PTPN21: variants seen among roughly 807,000 people sequenced by gnomAD.
PTPN21 encodes the protein protein tyrosine phosphatase non-receptor type 21, also known as tyrosine-protein phosphatase non-receptor type 21.
A neutral mutation model predicts 131.8 loss-of-function variants in PTPN21; 77 were observed. That is an observed-to-expected ratio of 0.58 (90% CI 0.49 to 0.71). The LOEUF (loss-of-function observed/expected upper bound fraction) is 0.71, where lower values mean the gene tolerates loss of function less well. Ranked by LOEUF, PTPN21 falls within the 30% of genes least tolerant of loss-of-function variation. The pLI is 0.00. For missense variants in PTPN21, 1,552 were observed against 1,527.1 expected, an observed-to-expected ratio of 1.02 and a Z score of -0.27; for synonymous variants, 715 against 621.3, an observed-to-expected ratio of 1.15 and a Z score of -2.24.
At position 88,518,386 on chromosome 14, in the gene PTPN21, G is replaced by GTATATATA. The variant is rs71126987; in HGVS notation, c.181-1133_181-1126dup. 8.1e-3 allele frequency among the ~76,000 whole-genome samples: 78 copies of GTATATATA among 9,686 alleles called. 9 individuals are homozygous for GTATATATA. Among genetic ancestry groups the GTATATATA allele is most frequent in the East Asian group, 0.044 (5 of 114 alleles). The allele number at this position is 9,686 out of a possible 152,430, so 6.4% of individuals were successfully genotyped here. A position where few individuals can be genotyped will look rare whatever the true frequency, so the allele number is the denominator to read the frequency against. ...CACGTGTGTGTGTATGTGTGTGTGT[G>GTATATATA]TATATATATATATATATATATATAT... On this transcript the variant is annotated intron_variant, in intron 2 of 18. Transcript: ENST00000556564.
intron 3 of PTPN21, 130 bp from the exon 4 acceptor site, chr14:88,508,150 G>GTGTT: frequency 2.5e-6 from 1 of 398,270 alleles, no homozygotes; most frequent in Non-Finnish European, 4.5e-6. Flanking sequence ...GGTTGTGTGT[G>GTGTT]TTTTTTTTTT....
At chr14:88,485,035 GT>G in intron 12 of PTPN21, 40 bp downstream of exon 12, 1 of 1,492,726 alleles carries the variant, frequency 6.7e-7, no homozygotes, top group East Asian at 2.3e-5. Flanking sequence ...TTTATCCATA[GT>G]CATAACTATG....
chr14:88,474,780 G>C (rs1357983449), intron 13 of PTPN21, among the ~76,000 whole-genome samples: 1 of 152,176 alleles, frequency 6.6e-6, no homozygotes, highest in Non-Finnish European at 1.5e-5. Flanking sequence ...ATTATTATTA[G>C]AGCATGATTT....
In PTPN21 at chr14:88,473,646, C is replaced by G. The variant is rs1394969119; in HGVS notation, c.2649+19G>C. 1 of 1,600,516 alleles carries G rather than the reference C, an allele frequency of 6.2e-7. No individual in the cohort carries two copies. Among genetic ancestry groups the G allele is most frequent in the African/African-American group, 1.4e-5 (1 of 73,874 alleles). On this transcript the variant is annotated intron_variant, in intron 14 of 18. Transcript: ENST00000556564. Reference sequence around the variant, plus strand: ...GTTGTTCCAGAGAAGGCACAAAGCCCTGTGTGTCCCATACATACCCTTTCA... The same window carrying G: ...GTTGTTCCAGAGAAGGCACAAAGCCGTGTGTGTCCCATACATACCCTTTCA...
intron 12 of PTPN21, among the ~76,000 whole-genome samples, chr14:88,483,206 C>A: frequency 7.8e-6 from 1 of 128,800 alleles, no homozygotes; most frequent in Admixed American, 7.5e-5. Flanking sequence ...AGTGAGACTC[C>A]GTCTCCAAAA....
At chr14:88,538,599 A>G (rs910840762) in intron 2 of PTPN21, among the ~76,000 whole-genome samples, 2 of 152,186 alleles carry the variant, frequency 1.3e-5, no homozygotes, top group Non-Finnish European at 2.9e-5. Flanking sequence ...TTAAATGATA[A>G]CAAATATCTC....
chr14:88,491,026 A>G (rs2077815485), intron 10 of PTPN21, among the ~76,000 whole-genome samples: 2 of 152,162 alleles, frequency 1.3e-5, no homozygotes. Flanking sequence ...TTTGAAGCAG[A>G]TTTCTGATCT....
intron 6 of PTPN21, among the ~76,000 whole-genome samples, chr14:88,503,686 T>G (rs1367825913): frequency 6.6e-6 from 1 of 152,192 alleles, no homozygotes; most frequent in African/African-American, 2.4e-5. Context: ...TAGGGTAGGT[T>G]AGGGTAAGCT....
At chr14:88,552,036 A>T (rs1296339986) in intron 1 of PTPN21, 1 of 152,320 alleles carries the variant, frequency 6.6e-6, no homozygotes, top group Non-Finnish European at 1.5e-5. Context: ...AGCGAGACCC[A>T]GCCATAGCTG....
At chr14:88,494,504 T>C (rs2077874677) in intron 10 of PTPN21, among the ~76,000 whole-genome samples, 1 of 151,720 alleles carries the variant, frequency 6.6e-6, no homozygotes, top group Non-Finnish European at 1.5e-5. Flanking sequence ...CCTGCCTCTA[T>C]AAAAAACACC....
chr14:88,469,614 G>A lies in PTPN21; in HGVS notation c.3120C>T (p.Ala1040=). 1.2e-6 allele frequency: 2 copies of A among 1,614,106 alleles called. No homozygotes were observed. The highest frequency in any genetic ancestry group is 2.2e-5 in the South Asian group (2 of 91,078). ...GGTGCTTCATCTTCAGGCCTGTGGT[G>A]GCATAGCAGCCAGAGTCTGTGCGGA... The part of the protein sequence containing the change: ...TRFRTDSGCY[A]TTGLKMKHLL... The change falls in exon 17 of 19, where the codon GCC becomes GCT. Residue 1040 remains alanine (A), a synonymous_variant. Coordinates refer to ENST00000556564, the MANE Select transcript of PTPN21 (RefSeq NM_007039.4). This position sits in a 1 kb window ranked among gnomAD's most constrained non-coding sequence, Gnocchi z 4.3.
At chr14:88,480,395 A>C (rs2077636450) in intron 12 of PTPN21, 43 bp from the exon 13 acceptor site, 3 of 1,438,846 alleles carry the variant, frequency 2.1e-6, no homozygotes, top group Non-Finnish European at 2.9e-6. Flanking sequence ...TAAATGGACT[A>C]ATTACTCCAA....
chr14:88,468,069 T>C lies in PTPN21; in HGVS notation c.*68A>G, dbSNP rs1467146922. The C allele has an allele frequency of 2.6e-6, 4 of 1,563,346 alleles. No homozygotes were observed. In the South Asian group the frequency reaches 3.4e-5, roughly 13 times the overall value. ...CAAGTGTCAACGGGAAAGTATGAGTTAGGCAAGCGCTTTTTTTTTAAGCTG... is the reference window on the plus strand; with the variant it reads ...CAAGTGTCAACGGGAAAGTATGAGTCAGGCAAGCGCTTTTTTTTTAAGCTG... On this transcript the variant is annotated 3_prime_UTR_variant, in exon 19 of 19. Transcript: ENST00000556564.
intron 2 of PTPN21, among the ~76,000 whole-genome samples, chr14:88,535,559 G>C (rs1004089334): frequency 6.6e-6 from 1 of 152,154 alleles, no homozygotes; most frequent in East Asian, 1.9e-4. Context: ...GAAGAACTTT[G>C]TAAGTTCTAA....
At chr14:88,499,550 C>T (rs910843127) in intron 8 of PTPN21, among the ~76,000 whole-genome samples, 1 of 152,066 alleles carries the variant, frequency 6.6e-6, no homozygotes, top group African/African-American at 2.4e-5. Context: ...ATAACTGGGT[C>T]ACCATGGACA....
chr14:88,481,414 C>A (rs143734538), intron 12 of PTPN21, among the ~76,000 whole-genome samples: 2 of 152,306 alleles, frequency 1.3e-5, no homozygotes, highest in African/African-American at 4.8e-5. Flanking sequence ...CCTTTCCTCA[C>A]TGCTGCCACA....
chr14:88,517,869 GTGTATATA>G (rs1458325595), intron 2 of PTPN21, among the ~76,000 whole-genome samples: 1 of 144,630 alleles, frequency 6.9e-6, no homozygotes, highest in Non-Finnish European at 1.5e-5. Flanking sequence ...ATGTGTATAT[GTGTATATA>G]TACTATATAT....
At chr14:88,487,872 A>G (rs1433614090) in intron 10 of PTPN21, among the ~76,000 whole-genome samples, 1 of 151,822 alleles carries the variant, frequency 6.6e-6, no homozygotes, top group Non-Finnish European at 1.5e-5. Context: ...ACGCTGAGGC[A>G]GGAGAATCGC....
In PTPN21 at chr14:88,467,909, G is replaced by T. The variant is rs2077390220; in HGVS notation, c.*228C>A. 2 of 614,412 alleles carry T rather than the reference G, an allele frequency of 3.3e-6. No homozygotes were observed. Among genetic ancestry groups the T allele is most frequent in the Admixed American group, 2.8e-5 (1 of 36,276 alleles). 38.1% of individuals were successfully genotyped at this position (614,412 alleles called of 1,614,324 possible). A position where few individuals can be genotyped will look rare whatever the true frequency, so the allele number is the denominator to read the frequency against. Reference sequence around the variant, plus strand: ...ACCGGACAGACCGGGGCAGGGCAAGGCCCTTGAAACCAAGTCCTCCTTGAG... The same window carrying T: ...ACCGGACAGACCGGGGCAGGGCAAGTCCCTTGAAACCAAGTCCTCCTTGAG... On this transcript the variant is annotated 3_prime_UTR_variant, in exon 19 of 19. Transcript: ENST00000556564.
Sources: allele counts gnomAD v4.1 joint callset (sites outside exome capture counted in the v4.1 genomes callset), GRCh38; gene constraint gnomAD v4.1.1; non-coding constraint Gnocchi (gnomAD v3.1); transcripts MANE v1.5; gene names NCBI Gene and HGNC (gene_info 2026-07-23, HGNC 2026-07-21).